The following AK9 variants were observed in gnomAD, a reference collection of about 807,000 sequenced individuals.
AK9 encodes the protein adenylate kinase domain containing 1.
AK9 carries 191 observed loss-of-function variants against 239.6 expected under a neutral mutation model. The ratio of observed to expected loss-of-function variants is 0.80; its 90% confidence interval spans 0.71 to 0.90. The LOEUF (loss-of-function observed/expected upper bound fraction) is 0.90. Among genes scored for constraint, AK9 ranks in the 40% least tolerant of loss-of-function variants. The probability of loss-of-function intolerance (pLI) is 0.00; values close to 1 mark genes in which losing one functional copy is unlikely to be tolerated. For synonymous variants in AK9, 689 were observed against 721.0 expected, an observed-to-expected ratio of 0.96 and a Z score of 0.71; for missense variants, 1,995 against 2,214.7, an observed-to-expected ratio of 0.90 and a Z score of 1.99.
intron 31 of AK9, among the ~76,000 whole-genome samples, chr6:109,514,763 T>C (rs1164165657): frequency 6.6e-6 from 1 of 152,202 alleles, no homozygotes; most frequent in African/African-American, 2.4e-5. Flanking sequence ...CACAGGCCAA[T>C]TCATCCTCAC....
Position 109,573,386 on chromosome 6 carries a change from C to T in AK9, c.2344+56G>A, listed in dbSNP as rs532883989. The T allele has an allele frequency of 2.4e-5, 35 of 1,483,292 alleles. No individual in the cohort carries two copies. The African/African-American group carries it at 4.0e-4, about 17-fold the overall frequency. 91.9% of individuals were successfully genotyped at this position (1,483,292 alleles called of 1,614,324 possible). On this transcript the variant is annotated intron_variant, in intron 21 of 40. Transcript: ENST00000424296. The stretch of plus-strand genomic sequence containing the variant: ...ACAGGTATACATACACATACCCAAA[C>T]AGACACATTAATGCACATGAGTAGA...
chr6:109,632,890 G>GATAC, intron 12 of AK9, 33 bp downstream of exon 12: 2 of 1,596,032 alleles, frequency 1.3e-6, no homozygotes, highest in Non-Finnish European at 1.7e-6. Context: ...TAGATAGATA[G>GATAC]ATAGATAGAT....
chr6:109,674,163 A>G, intron 3 of AK9, 35 bp downstream of exon 3: 1 of 1,494,346 alleles, frequency 6.7e-7, no homozygotes, highest in Non-Finnish European at 9.0e-7. Flanking sequence ...GAAAGTTTTC[A>G]TAATAAAATA....
At chr6:109,623,740 T>C (rs1795140408) in intron 12 of AK9, among the ~76,000 whole-genome samples, 1 of 152,146 alleles carries the variant, frequency 6.6e-6, no homozygotes, top group South Asian at 2.1e-4. Context: ...CTGTATGCTG[T>C]CAAAAGTTTT....
At chr6:109,581,500 C>A (rs984930372) in intron 19 of AK9, among the ~76,000 whole-genome samples, 2 of 152,132 alleles carry the variant, frequency 1.3e-5, no homozygotes, top group Non-Finnish European at 2.9e-5. Flanking sequence ...ATTAGAAGAT[C>A]AAACCAGCCA....
chr6:109,662,491 A>G, intron 6 of AK9, 60 bp downstream of exon 6: 1 of 1,291,440 alleles, frequency 7.7e-7, no homozygotes, highest in Non-Finnish European at 1.0e-6. Context: ...GCATTCCTTG[A>G]ATTTAACTAC....
At chr6:109,535,361 G>T (rs917392910) in intron 27 of AK9, among the ~76,000 whole-genome samples, 9 of 152,176 alleles carry the variant, frequency 5.9e-5, no homozygotes, top group Admixed American at 5.9e-4. Flanking sequence ...GGTCAGTGAT[G>T]ATGAGCATTT....
intron 24 of AK9, 43 bp from the exon 25 acceptor site, chr6:109,550,345 A>C: frequency 6.5e-7 from 1 of 1,538,846 alleles, no homozygotes; most frequent in Non-Finnish European, 8.8e-7. Context: ...AAACTAAAAA[A>C]GTATTTTGAT....
intron 13 of AK9, among the ~76,000 whole-genome samples, chr6:109,614,898 TAG>T (rs1793985066): frequency 6.6e-6 from 1 of 152,168 alleles, no homozygotes; most frequent in African/African-American, 2.4e-5. Context: ...AAATTTTAAG[TAG>T]AGTTACTCCT....
In AK9 at chr6:109,564,116, G is replaced by A. The variant is rs1211460018; in HGVS notation, c.2599C>T (p.Gln867Ter). Residue 867 changes from glutamine (Q) to a stop codon, truncating the protein, a stop_gained, in exon 23 of 41, where the codon CAG becomes TAG. Coordinates refer to ENST00000424296, the MANE Select transcript of AK9 (RefSeq NM_001145128.3). LOFTEE classifies it high-confidence loss of function. ...LNLEIADRTP[Q>*]ELLQKVVETM... ...TCAACTACTTTTTGAAGTAATTCCTGTGGAGTTCTGTCAGCAATCTCCAAG... is the reference window on the plus strand; with the variant it reads ...TCAACTACTTTTTGAAGTAATTCCTATGGAGTTCTGTCAGCAATCTCCAAG... 6.4e-7 allele frequency: 1 copy of A among 1,551,296 alleles called. No individual in the cohort carries two copies. The highest frequency in any genetic ancestry group is 1.2e-5 in the South Asian group (1 of 84,036).
intron 8 of AK9, among the ~76,000 whole-genome samples, chr6:109,644,898 A>G (rs1243631976): frequency 1.3e-5 from 2 of 152,228 alleles, no homozygotes; most frequent in African/African-American, 2.4e-5. Context: ...CTGTTTAAAA[A>G]AATCTTTTTT....
rs940665737 is a variant in AK9 at position 109,614,277 on chromosome 6, T to C, written c.1515A>G (p.Gln505=). The C allele has an allele frequency of 3.9e-6, 6 of 1,551,534 alleles. No homozygotes were observed. The highest frequency in any genetic ancestry group is 5.2e-6 in the Non-Finnish European group (6 of 1,146,774). Residue 505 remains glutamine (Q), a synonymous_variant, in exon 15 of 41, where the codon CAA becomes CAG. Coordinates refer to ENST00000424296, the MANE Select transcript of AK9 (RefSeq NM_001145128.3). ...CCACTAAAGAGCTGCCTCTGTCCCT[T>C]TGGGAGCCTTGAATGTACCCTGCAA... is the stretch of plus-strand genomic sequence containing the variant. ...IDEEGYIQGS[Q]RDRGSSLVDT...
intron 8 of AK9, among the ~76,000 whole-genome samples, chr6:109,652,254 G>A (rs925171981): frequency 1.3e-5 from 2 of 152,104 alleles, no homozygotes; most frequent in African/African-American, 4.8e-5. Flanking sequence ...TTCAACATAC[G>A]CAAATGAATA....
intron 26 of AK9, among the ~76,000 whole-genome samples, chr6:109,545,416 G>A (rs1350891792): frequency 6.6e-6 from 1 of 152,168 alleles, no homozygotes; most frequent in Non-Finnish European, 1.5e-5. Context: ...GGACACAGTG[G>A]GAAGTAATTG....
chr6:109,603,531 G>C (rs898951834), intron 17 of AK9, among the ~76,000 whole-genome samples: 1 of 152,202 alleles, frequency 6.6e-6, no homozygotes, highest in Non-Finnish European at 1.5e-5. Flanking sequence ...GGACCCACTT[G>C]AGGAGGCAGT....
chr6:109,610,389 T>G lies in AK9; in HGVS notation c.1818A>C (p.Glu606Asp), dbSNP rs1194901911. The G allele has an allele frequency of 6.4e-7, 1 of 1,551,550 alleles. No individual in the cohort carries two copies. The highest frequency in any genetic ancestry group is 1.4e-5 in the African/African-American group (1 of 73,046). Residue 606 changes from glutamate to aspartate, a missense_variant, in exon 17 of 41, where the codon GAA becomes GAC. Physicochemically the swap from Glu to Asp is conservative, Grantham distance 45. This residue lies in a region of AK9 where 1,290 missense variants were observed against 1,392.7 expected (regional missense o/e 0.93). Coordinates refer to ENST00000424296, the MANE Select transcript of AK9 (RefSeq NM_001145128.3). ...CCTCTCCAAGGACTTCCTGTAAGAT[T>G]TCAGCATGTTTTTCATATGGCTGTT... Reference protein sequence around the residue: ...NFEQPYEKHAEILQEVLGEVM... With the variant: ...NFEQPYEKHADILQEVLGEVM...
intron 8 of AK9, among the ~76,000 whole-genome samples, chr6:109,650,067 C>T (rs1157933158): frequency 1.3e-5 from 2 of 152,196 alleles, no homozygotes; most frequent in Non-Finnish European, 2.9e-5. Flanking sequence ...TTCCTTACAC[C>T]TCATACAAAA....
intron 24 of AK9, among the ~76,000 whole-genome samples, chr6:109,562,766 A>T (rs552962490): frequency 6.6e-6 from 1 of 151,892 alleles, no homozygotes; most frequent in Non-Finnish European, 1.5e-5. Context: ...TTTTAATATT[A>T]TTAATGAAGA....
At chr6:109,548,548 C>T (rs1395823378) in intron 25 of AK9, among the ~76,000 whole-genome samples, 1 of 152,134 alleles carries the variant, frequency 6.6e-6, no homozygotes, top group Non-Finnish European at 1.5e-5. Context: ...CAGTAACAGA[C>T]CATCCACTTA....
Sources: gnomAD v4.1 joint callset for allele counts (sites outside exome capture counted in the v4.1 genomes callset) on GRCh38, gnomAD v4.1.1 for gene constraint, gnomAD v4.1.1 regional missense constraint, MANE v1.5 for transcripts, NCBI Gene and HGNC (gene_info 2026-07-23, HGNC 2026-07-21) for gene names.